BICC1: variants seen among roughly 807,000 people sequenced by gnomAD.
BICC1 encodes the protein BicC family RNA binding protein 1, also known as protein bicaudal C homolog 1.
A neutral mutation model predicts 111.0 loss-of-function variants in BICC1; 43 were observed. That is an observed-to-expected ratio of 0.39 (90% CI 0.30 to 0.50). BICC1 has a LOEUF of 0.50. BICC1 is among the 20% of genes least tolerant of loss of function. The pLI, the probability that BICC1 is intolerant of heterozygous loss-of-function variation, is 0.88. For missense variants in BICC1, 1,091 were observed against 1,203.2 expected (o/e 0.91, Z 1.38); for synonymous variants, 467 against 434.4 (o/e 1.07, Z -0.93).
intron 3 of BICC1, among the ~76,000 whole-genome samples, chr10:58,744,576 G>T (rs1221663792): frequency 6.6e-6 from 1 of 151,984 alleles, no homozygotes; most frequent in Non-Finnish European, 1.5e-5. Flanking sequence ...TTTTTCAAAA[G>T]TGACAATTAT....
intron 2 of BICC1, among the ~76,000 whole-genome samples, chr10:58,658,369 A>G (rs1433943109): frequency 1.3e-5 from 2 of 152,128 alleles, no homozygotes; most frequent in Non-Finnish European, 2.9e-5. Flanking sequence ...TTGTATTTTT[A>G]GTAGAGACGG....
intron 1 of BICC1, among the ~76,000 whole-genome samples, chr10:58,597,029 TC>T (rs1160756172): frequency 6.6e-6 from 1 of 152,202 alleles, no homozygotes; most frequent in Non-Finnish European, 1.5e-5. Context: ...CCACTGACTT[TC>T]CATACAAAAT....
intron 2 of BICC1, among the ~76,000 whole-genome samples, chr10:58,684,689 G>T (rs1391117799): frequency 6.6e-6 from 1 of 152,090 alleles, no homozygotes; most frequent in Non-Finnish European, 1.5e-5. Context: ...TTCTCTGATG[G>T]TAGTTTGTAT....
intron 3 of BICC1, among the ~76,000 whole-genome samples, chr10:58,753,034 G>A (rs1842034135): frequency 6.6e-6 from 1 of 152,074 alleles, no homozygotes; most frequent in African/African-American, 2.4e-5. Context: ...GCGATTGAAG[G>A]GCTGCAGGGT....
intron 3 of BICC1, among the ~76,000 whole-genome samples, chr10:58,719,194 G>C (rs1840858787): frequency 6.6e-6 from 1 of 152,164 alleles, no homozygotes; most frequent in African/African-American, 2.4e-5. Context: ...TGCAACTTCA[G>C]AGGTGCCAAA....
intron 20 of BICC1, among the ~76,000 whole-genome samples, chr10:58,827,486 A>G (rs1001481671): frequency 1.3e-5 from 2 of 152,226 alleles, no homozygotes; most frequent in Admixed American, 6.5e-5. Context: ...AGGGATTTCA[A>G]TATCAGATCT....
chr10:58,798,407 G>T lies in BICC1; in HGVS notation c.1375G>T (p.Gly459Ter). 1.3e-6 allele frequency: 2 copies of T among 1,565,518 alleles called. No individual in the cohort carries two copies. Among genetic ancestry groups the T allele is most frequent in the South Asian group, 1.2e-5 (1 of 82,356 alleles). ...ATATTCATTTATTACAGGTCTTTTG[G>T]GACCCACCACCTTATCTCTGAACAC... is the stretch of plus-strand genomic sequence containing the variant. ...GLGLTGLGLLGPTTLSLNTST... is the reference protein window; with the variant it reads ...GLGLTGLGLL Residue 459 changes from glycine (G) to a stop codon, truncating the protein, a stop_gained, in exon 11 of 21, where the codon GGA becomes TGA. Coordinates refer to ENST00000373886, the MANE Select transcript of BICC1 (RefSeq NM_001080512.3). LOFTEE classifies it high-confidence loss of function.
intron 2 of BICC1, among the ~76,000 whole-genome samples, chr10:58,658,291 G>A (rs536893991): frequency 2.1e-4 from 32 of 152,160 alleles, no homozygotes; most frequent in Non-Finnish European, 3.5e-4. Context: ...GAGTTTAAGC[G>A]ATTCTCCTGC....
intron 1 of BICC1, among the ~76,000 whole-genome samples, chr10:58,590,841 T>C (rs1844591169): frequency 6.6e-6 from 1 of 152,226 alleles, no homozygotes; most frequent in Non-Finnish European, 1.5e-5. Flanking sequence ...AAAATAAGAT[T>C]GTGCAGAAGT....
chr10:58,707,649 C>T (rs919843218), intron 3 of BICC1, among the ~76,000 whole-genome samples: 5 of 152,098 alleles, frequency 3.3e-5, no homozygotes, highest in Non-Finnish European at 7.4e-5. Flanking sequence ...CCTGCCTCAG[C>T]CTCCTGAGTA....
chr10:58,769,404 G>GTGTGTGTGTGTGTATA lies in BICC1; in HGVS notation c.308-15596_308-15595insGTGTGTGTGTGTATAT, dbSNP rs1050060686. On this transcript the variant is annotated intron_variant, in intron 3 of 20. Transcript: ENST00000373886. ...TGTGTGTGTGTGTGTGTGTGTGTGT[G>GTGTGTGTGTGTGTATA]TATATATATATATATATATATAATC... is the stretch of plus-strand genomic sequence containing the variant. Among the ~76,000 whole-genome samples, 43 of 109,740 alleles carry GTGTGTGTGTGTGTATA rather than the reference G, an allele frequency of 3.9e-4. 1 individual carries two copies. Among genetic ancestry groups the GTGTGTGTGTGTGTATA allele is most frequent in the African/African-American group, 1.4e-3 (43 of 31,352 alleles). 72.0% of individuals were successfully genotyped at this position (109,740 alleles called of 152,430 possible).
At chr10:58,576,708 A>G (rs1164470586) in intron 1 of BICC1, among the ~76,000 whole-genome samples, 3 of 152,314 alleles carry the variant, frequency 2.0e-5, no homozygotes, top group Non-Finnish European at 4.4e-5. Context: ...ATACTGTTTA[A>G]AAGGATCAAT....
chr10:58,749,151 G>A (rs1465113635), intron 3 of BICC1, among the ~76,000 whole-genome samples: 4 of 151,978 alleles, frequency 2.6e-5, no homozygotes, highest in Non-Finnish European at 1.5e-5. Flanking sequence ...TAATTCTAAG[G>A]GCAGAGACTA....
At chr10:58,581,706 A>G (rs1844285648) in intron 1 of BICC1, among the ~76,000 whole-genome samples, 2 of 152,178 alleles carry the variant, frequency 1.3e-5, no homozygotes, top group Admixed American at 1.3e-4. Flanking sequence ...AGACGCAATC[A>G]TACTGTATTA....
intron 2 of BICC1, among the ~76,000 whole-genome samples, chr10:58,642,087 G>T (rs1471857697): frequency 6.6e-6 from 1 of 152,230 alleles, no homozygotes. Context: ...TTCAAGGCCA[G>T]CTTTGCACAT....
chr10:58,641,261 C>T (rs567432092), intron 2 of BICC1, among the ~76,000 whole-genome samples: 1 of 152,274 alleles, frequency 6.6e-6, no homozygotes, highest in South Asian at 2.1e-4. Flanking sequence ...GCGATGGCTG[C>T]TATTCATTAT....
At chr10:58,647,369 C>T (rs72802421) in intron 2 of BICC1, among the ~76,000 whole-genome samples, 1 of 152,128 alleles carries the variant, frequency 6.6e-6, no homozygotes, top group Non-Finnish European at 1.5e-5. Context: ...TAGGAAAGAG[C>T]ATGAATGTCA....
chr10:58,545,152 G>A (rs543252071), intron 1 of BICC1, among the ~76,000 whole-genome samples: 1 of 152,156 alleles, frequency 6.6e-6, no homozygotes, highest in African/African-American at 2.4e-5. Context: ...AGCAGCACTA[G>A]CAACTAATAC....
intron 2 of BICC1, among the ~76,000 whole-genome samples, chr10:58,674,264 CA>C (rs10715109): frequency 0.96 from 146,555 of 152,086 alleles, 70,867 homozygotes; most frequent in Middle Eastern, 1. Context: ...AAACTCAGAT[CA>C]AGTGTCAGTT....
Sources: gnomAD v4.1 joint callset for allele counts (sites outside exome capture counted in the v4.1 genomes callset) on GRCh38, gnomAD v4.1.1 for gene constraint, MANE v1.5 for transcripts, NCBI Gene and HGNC (gene_info 2026-07-23, HGNC 2026-07-21) for gene names.